The following MEI4 variants were observed in gnomAD, a reference collection of about 807,000 sequenced individuals.
MEI4 encodes meiosis-specific protein MEI4.
In MEI4, 27 loss-of-function variants were observed where a neutral mutation model predicts 31.4. That is an observed-to-expected ratio of 0.86 (90% confidence interval 0.63 to 1.19). The LOEUF (loss-of-function observed/expected upper bound fraction) is 1.19. Ranked by LOEUF, MEI4 falls within the 50% of genes most tolerant of loss-of-function variation. The pLI is 0.00. For synonymous variants in MEI4, 122 were observed against 145.4 expected, an observed-to-expected ratio of 0.84 and a Z score of 1.16; for missense variants, 329 against 398.9, an observed-to-expected ratio of 0.82 and a Z score of 1.49.
chr6:77,803,790 A>T (rs1769345279), intron 3 of MEI4, among the ~76,000 whole-genome samples: 1 of 152,096 alleles, frequency 6.6e-6, no homozygotes, highest in African/African-American at 2.4e-5. Context: ...AACAGCGGAT[A>T]TTGGTGAACA....
intron 4 of MEI4, among the ~76,000 whole-genome samples, chr6:77,881,257 A>G (rs1324825248): frequency 6.6e-6 from 1 of 152,164 alleles, no homozygotes; most frequent in Non-Finnish European, 1.5e-5. Context: ...TATTTAAATT[A>G]TGGGTATCCA....
At position 77,925,689 on chromosome 6, in the gene MEI4, T is replaced by C. The variant is rs1456755367; in HGVS notation, c.*2343T>C. On this transcript the variant is annotated 3_prime_UTR_variant, in exon 5 of 5. Coordinates refer to ENST00000684080, the MANE Select transcript of MEI4 (RefSeq NM_001322247.2). ...GGAAATAAAGAGAACCATAGAATGA[T>C]CATAAAAATGAAGCAAATAAAAAGT... The C allele has an allele frequency of 6.6e-6, 1 of 150,800 alleles. No individual in the cohort carries two copies. The highest frequency in any genetic ancestry group is 2.4e-5 in the African/African-American group (1 of 41,240). The allele number at this position is 150,800 out of a possible 1,614,324, so 9.3% of individuals were successfully genotyped here.
rs529895338 is a variant in MEI4 at position 77,923,315 on chromosome 6, G to A, written c.1127G>A (p.Ser376Asn). ...FYLWRVGILL[S>N]SAQIETLRK ...TTATGGAGAGTGGGCATTCTTTTGA[G>A]CTCAGCACAGATAGAAACTCTTAGA... Residue 376 changes from serine (S) to asparagine (N), a missense_variant, in exon 5 of 5, where the codon AGC (serine) becomes AAC (asparagine). Ser to Asn is a conservative substitution (Grantham distance 46). Transcript: ENST00000684080. 4 of 1,229,936 alleles carry A rather than the reference G, an allele frequency of 3.3e-6. No homozygotes were observed. The East Asian group carries it at 1.3e-4, about 39-fold the overall frequency. The allele number at this position is 1,229,936 out of a possible 1,614,324, so 76.2% of individuals were successfully genotyped here.
At position 77,866,713 on chromosome 6, in the gene MEI4, T is replaced by C. The variant is rs565310889; in HGVS notation, c.900+37651T>C. On this transcript the variant is annotated intron_variant, in intron 4 of 4. Transcript: ENST00000684080. Reference sequence around the variant, plus strand: ...GCTACCAATGACTTTCTTCACAGAATTGGAAAAAACTAAAGTTCATATGGA... The same window carrying C: ...GCTACCAATGACTTTCTTCACAGAACTGGAAAAAACTAAAGTTCATATGGA... 4.6e-5 allele frequency among the ~76,000 whole-genome samples: 7 copies of C among 152,176 alleles called. No homozygotes were observed. In the East Asian group the frequency reaches 1.4e-3, roughly 29 times the overall value.
At chr6:77,796,673 C>G (rs906503518) in intron 3 of MEI4, among the ~76,000 whole-genome samples, 3 of 152,214 alleles carry the variant, frequency 2.0e-5, no homozygotes, top group Admixed American at 6.5e-5. Flanking sequence ...ACAATGAATA[C>G]TATAAGACGT....
At chr6:77,747,736 C>T (rs1185988188) in intron 2 of MEI4, among the ~76,000 whole-genome samples, 1 of 152,230 alleles carries the variant, frequency 6.6e-6, no homozygotes, top group Non-Finnish European at 1.5e-5. Context: ...CCCTTTGCAA[C>T]AGTCCCCCAA....
At chr6:77,858,566 G>A (rs985080635) in intron 4 of MEI4, among the ~76,000 whole-genome samples, 2 of 151,694 alleles carry the variant, frequency 1.3e-5, no homozygotes, top group African/African-American at 4.8e-5. Context: ...ATATTTGTTG[G>A]CTAATAATGG....
upstream of MEI4, among the ~76,000 whole-genome samples, chr6:77,652,759 C>A (rs183270291): frequency 6.6e-6 from 1 of 152,242 alleles, no homozygotes; most frequent in East Asian, 1.9e-4. Flanking sequence ...CTAAGATTTT[C>A]AGAGCTCATC....
chr6:77,890,628 T>C (rs960719007), intron 4 of MEI4, among the ~76,000 whole-genome samples: 1 of 152,116 alleles, frequency 6.6e-6, no homozygotes, highest in Non-Finnish European at 1.5e-5. Context: ...TGATTTTGTT[T>C]TGAAATGTGA....
At chr6:77,854,572 T>C (rs148563268) in intron 4 of MEI4, among the ~76,000 whole-genome samples, 47 of 152,216 alleles carry the variant, frequency 3.1e-4, no homozygotes, top group African/African-American at 1.1e-3. Context: ...GAAAAAAATG[T>C]GTCCAATGTG....
chr6:77,795,518 G>A (rs1769050782), intron 3 of MEI4, among the ~76,000 whole-genome samples: 1 of 150,792 alleles, frequency 6.6e-6, no homozygotes, highest in Non-Finnish European at 1.5e-5. Context: ...TTTTTGAAAA[G>A]GTAAACAAAA....
chr6:77,807,532 C>G (rs1022460424), intron 3 of MEI4, among the ~76,000 whole-genome samples: 6 of 152,160 alleles, frequency 3.9e-5, no homozygotes, highest in African/African-American at 1.4e-4. Context: ...AAACATGACA[C>G]TGTTGCTGGA....
intron 4 of MEI4, among the ~76,000 whole-genome samples, chr6:77,873,137 CA>C (rs780979936): frequency 2.7e-4 from 41 of 152,276 alleles, no homozygotes; most frequent in South Asian, 4.1e-4. Context: ...ATGGCTGGGT[CA>C]AATGGTATTT....
intron 4 of MEI4, among the ~76,000 whole-genome samples, chr6:77,914,768 C>T (rs974125181): frequency 2.0e-5 from 3 of 152,178 alleles, no homozygotes; most frequent in Middle Eastern, 3.4e-3. Flanking sequence ...GTGTTGGGTA[C>T]ATATATGTTT....
intron 4 of MEI4, among the ~76,000 whole-genome samples, chr6:77,908,235 C>T (rs1766346298): frequency 6.6e-6 from 1 of 152,126 alleles, no homozygotes; most frequent in Admixed American, 6.6e-5. Context: ...TGCCTATGTA[C>T]TGAATGGTAT....
At chr6:77,914,025 C>G (rs1766488243) in intron 4 of MEI4, among the ~76,000 whole-genome samples, 1 of 87,362 alleles carries the variant, frequency 1.1e-5, no homozygotes, top group Non-Finnish European at 2.1e-5. Context: ...CAGAGTGAAA[C>G]TGTTTCAAGA....
chr6:77,788,724 C>G (rs1768824824), intron 3 of MEI4, among the ~76,000 whole-genome samples: 1 of 152,082 alleles, frequency 6.6e-6, no homozygotes, highest in Non-Finnish European at 1.5e-5. Context: ...TCAAGGAGAA[C>G]TACAAACCAC....
intron 3 of MEI4, among the ~76,000 whole-genome samples, chr6:77,768,639 G>T (rs1416553879): frequency 6.6e-6 from 1 of 151,472 alleles, no homozygotes; most frequent in Non-Finnish European, 1.5e-5. Context: ...GGCAGAGGTT[G>T]CAGTGAGCTG....
intron 3 of MEI4, among the ~76,000 whole-genome samples, chr6:77,800,849 A>T (rs967589761): frequency 7.2e-5 from 11 of 152,124 alleles, no homozygotes; most frequent in Non-Finnish European, 1.3e-4. Context: ...AGCCCACTTG[A>T]TCATAGTGGA....
Sources: allele counts gnomAD v4.1 joint callset (sites outside exome capture counted in the v4.1 genomes callset), GRCh38; gene constraint gnomAD v4.1.1; transcripts MANE v1.5; gene names NCBI Gene and HGNC (gene_info 2026-07-23, HGNC 2026-07-21).